The following MEGF10 variants were observed in gnomAD, a reference collection of about 807,000 sequenced individuals.
The protein encoded by MEGF10 is multiple epidermal growth factor-like domains protein 10.
In MEGF10, 86 loss-of-function variants were observed where a neutral mutation model predicts 147.5. The observed-to-expected ratio is 0.58, with a 90% CI of 0.49 to 0.70. The LOEUF (loss-of-function observed/expected upper bound fraction) is 0.70. Ranked by LOEUF, MEGF10 falls within the 30% of genes least tolerant of loss-of-function variation. MEGF10 has a pLI of 0.00. For missense variants in MEGF10, 1,329 were observed against 1,487.3 expected, an observed-to-expected ratio of 0.89 and a Z score of 1.75; for synonymous variants, 478 against 525.5, an observed-to-expected ratio of 0.91 and a Z score of 1.24.
chr5:127,426,625 G>A (rs191917608), intron 13 of MEGF10, among the ~76,000 whole-genome samples: 1 of 152,142 alleles, frequency 6.6e-6, no homozygotes, highest in Non-Finnish European at 1.5e-5. Flanking sequence ...TTTTCAAAAT[G>A]ATTATACTGA....
chr5:127,416,034 TGGTTTTG>T lies in MEGF10; in HGVS notation c.1131-1603_1131-1597del, dbSNP rs1295688959. ...CAGTTTTTGTTTTTGTTTTTGTTTT[TGGTTTTG>T]TTTTTGAGACGGAGTCTCGCTCTGT... On this transcript the variant is annotated intron_variant, in intron 9 of 24. Coordinates refer to ENST00000503335, the MANE Select transcript of MEGF10 (RefSeq NM_001256545.2). Among the ~76,000 whole-genome samples the T allele has an allele frequency of 2.4e-3, 316 of 132,614 alleles. 2 individuals carry two copies. The highest frequency in any genetic ancestry group is 0.012 in the Middle Eastern group (3 of 246). 87.0% of individuals were successfully genotyped at this position (132,614 alleles called of 152,430 possible).
chr5:127,286,934 T>TCG (rs2127017983), upstream of MEGF10, among the ~76,000 whole-genome samples: 1 of 151,874 alleles, frequency 6.6e-6, no homozygotes, highest in East Asian at 1.9e-4. Flanking sequence ...CAACAGTATA[T>TCG]CAAATATATA....
chr5:127,346,593 C>T (rs985046097), intron 4 of MEGF10, among the ~76,000 whole-genome samples: 28 of 151,878 alleles, frequency 1.8e-4, no homozygotes, highest in Non-Finnish European at 1.0e-4. Context: ...TTGAGCTCCT[C>T]GTAGATTCTG....
At chr5:127,428,308 A>G (rs1462962520) in intron 13 of MEGF10, among the ~76,000 whole-genome samples, 1 of 152,116 alleles carries the variant, frequency 6.6e-6, no homozygotes, top group Non-Finnish European at 1.5e-5. Context: ...TGGTTTAACA[A>G]CCATTTGTTG....
intron 5 of MEGF10, among the ~76,000 whole-genome samples, chr5:127,394,187 A>C (rs896544975): frequency 6.6e-6 from 1 of 152,226 alleles, no homozygotes; most frequent in Non-Finnish European, 1.5e-5. Context: ...GAGTTGACAG[A>C]TATTTAATTC....
chr5:127,407,999 A>G (rs1050892962), intron 8 of MEGF10, among the ~76,000 whole-genome samples: 5 of 152,258 alleles, frequency 3.3e-5, no homozygotes, highest in Non-Finnish European at 5.9e-5. Flanking sequence ...TTTAGTAAGT[A>G]ACATTCAAAT....
rs1762450378 is a variant in MEGF10 at position 127,360,953 on chromosome 5, GT to G, written c.320-8954del. On this transcript the variant is annotated intron_variant, in intron 4 of 24. Transcript: ENST00000503335. ...GTTGGATTTAATTCACTAAAATTTT[GT>G]TTAGAATCTTTGCACCTATGTGAGT... Among the ~76,000 whole-genome samples, 5 of 151,678 alleles carry G rather than the reference GT, an allele frequency of 3.3e-5. No homozygotes were observed. The South Asian group carries it at 1.0e-3, about 32-fold the overall frequency.
chr5:127,257,068 G>A, the MEGF10 span, among the ~76,000 whole-genome samples: 2 of 152,130 alleles, frequency 1.3e-5, no homozygotes, highest in East Asian at 3.9e-4. Flanking sequence ...GAGCTCTGGA[G>A]GAAGTGGCTG....
the MEGF10 span, among the ~76,000 whole-genome samples, chr5:127,230,327 C>T: frequency 6.6e-6 from 1 of 151,976 alleles, no homozygotes; most frequent in African/African-American, 2.4e-5. Context: ...AATTAAGCTC[C>T]GATATTAAAA....
rs193301961 is a variant in MEGF10, at chr5:127,422,836, T to C, written c.1693+64T>C. On this transcript the variant is annotated intron_variant, in intron 13 of 24. Coordinates refer to ENST00000503335, the MANE Select transcript of MEGF10 (RefSeq NM_001256545.2). ...CCAATTTAACACCTAGTGCTGTTCC[T>C]TATCACTTCACAGAAACACACACCA... is the stretch of plus-strand genomic sequence containing the variant. 6.4e-4 allele frequency: 771 copies of C among 1,200,700 alleles called. 5 individuals carry two copies. In the East Asian group the frequency reaches 0.016, roughly 26 times the overall value. The allele number at this position is 1,200,700 out of a possible 1,614,324, so 74.4% of individuals were successfully genotyped here.
At chr5:127,284,203 C>A in the MEGF10 span, among the ~76,000 whole-genome samples, 2 of 152,084 alleles carry the variant, frequency 1.3e-5, no homozygotes, top group Admixed American at 1.3e-4. Flanking sequence ...AAGAAGAAGA[C>A]CGAAATGAAG....
the MEGF10 span, among the ~76,000 whole-genome samples, chr5:127,240,308 A>T: frequency 6.6e-6 from 1 of 152,208 alleles, no homozygotes; most frequent in African/African-American, 2.4e-5. Context: ...GCCTGGTAGC[A>T]GGTCCATTTC....
At chr5:127,298,214 C>A (rs952411124) in intron 1 of MEGF10, among the ~76,000 whole-genome samples, 1 of 152,166 alleles carries the variant, frequency 6.6e-6, no homozygotes, top group Non-Finnish European at 1.5e-5. Flanking sequence ...CCACCTCCAC[C>A]AGGTGGCTTC....
At chr5:127,236,979 A>C in the MEGF10 span, among the ~76,000 whole-genome samples, 1 of 152,232 alleles carries the variant, frequency 6.6e-6, no homozygotes, top group Non-Finnish European at 1.5e-5. Flanking sequence ...GAGAGAACAG[A>C]AGGAAATAAG....
At chr5:127,439,685 A>G (rs1765687241) in intron 17 of MEGF10, among the ~76,000 whole-genome samples, 2 of 152,214 alleles carry the variant, frequency 1.3e-5, no homozygotes. Flanking sequence ...GTAACATGAT[A>G]TAGTGGGAAC....
At chr5:127,247,133 G>A in the MEGF10 span, among the ~76,000 whole-genome samples, 1 of 142,216 alleles carries the variant, frequency 7.0e-6, no homozygotes, top group East Asian at 2.0e-4. Flanking sequence ...GTCTATATAT[G>A]TTTCTGGGTT....
rs1389108112 is a variant in MEGF10, at chr5:127,338,098, G to A, written c.117-1022G>A. Among the ~76,000 whole-genome samples the A allele has an allele frequency of 3.3e-5, 5 of 152,144 alleles. No homozygotes were observed. The South Asian group carries it at 1.0e-3, about 32-fold the overall frequency. On this transcript the variant is annotated intron_variant, in intron 2 of 24. Transcript: ENST00000503335. The stretch of plus-strand genomic sequence containing the variant: ...CACCACATAGCTTTTCAAATGAGAA[G>A]GTTCTGTCTAACCTGAATTCTTCAT...
In MEGF10 at chr5:127,329,243, C is replaced by T. The variant is rs576411202; in HGVS notation, c.-18-2048C>T. On this transcript the variant is annotated intron_variant, in intron 1 of 24. Coordinates refer to ENST00000503335, the MANE Select transcript of MEGF10 (RefSeq NM_001256545.2). Reference sequence around the variant, plus strand: ...TAAGTTAATTTTGGTTAACTATTTACGCTTTATCTATTGGAATTATTTAGT... The same window carrying T: ...TAAGTTAATTTTGGTTAACTATTTATGCTTTATCTATTGGAATTATTTAGT... 7.9e-5 allele frequency among the ~76,000 whole-genome samples: 12 copies of T among 152,170 alleles called. No homozygotes were observed. In the South Asian group the frequency reaches 8.3e-4, roughly 11 times the overall value.
At chr5:127,322,942 CACAATGTGTGTATACACAT>C (rs1247855338) in intron 1 of MEGF10, among the ~76,000 whole-genome samples, 2 of 151,916 alleles carry the variant, frequency 1.3e-5, no homozygotes, top group Non-Finnish European at 2.9e-5. Flanking sequence ...TATATATTTA[CACAATGTGTGTATACACAT>C]ACAATGTGTG....
Sources: allele counts gnomAD v4.1 joint callset (sites outside exome capture counted in the v4.1 genomes callset), GRCh38; gene constraint gnomAD v4.1.1; transcripts MANE v1.5; gene names NCBI Gene and HGNC (gene_info 2026-07-23, HGNC 2026-07-21).